PDGFD: variants seen among roughly 807,000 people sequenced by gnomAD.
PDGFD encodes the protein platelet derived growth factor D, also known as platelet-derived growth factor D.
PDGFD carries 30 observed loss-of-function variants against 44.7 expected under a neutral mutation model. That is an observed-to-expected ratio of 0.67 (90% CI 0.50 to 0.91). PDGFD has a LOEUF of 0.91. Ranked by LOEUF, PDGFD falls within the 40% of genes least tolerant of loss-of-function variation. The probability of loss-of-function intolerance (pLI) is 0.00; values close to 1 mark genes in which losing one functional copy is unlikely to be tolerated. For missense variants in PDGFD, 445 were observed against 457.8 expected (o/e 0.97, Z 0.25); for synonymous variants, 173 against 168.4 (o/e 1.03, Z -0.21).
chr11:104,102,280 C>G (rs1217651050), intron 1 of PDGFD, among the ~76,000 whole-genome samples: 1 of 152,152 alleles, frequency 6.6e-6, no homozygotes, highest in Non-Finnish European at 1.5e-5. Flanking sequence ...TATGAACAGA[C>G]ACTTCTCAAA....
At chr11:104,100,383 C>T (rs1261287247) in intron 1 of PDGFD, among the ~76,000 whole-genome samples, 1 of 152,078 alleles carries the variant, frequency 6.6e-6, no homozygotes. Flanking sequence ...ATAAATTACT[C>T]GATACATACA....
intron 3 of PDGFD, among the ~76,000 whole-genome samples, chr11:103,968,945 G>A (rs1591099872): frequency 1.3e-5 from 2 of 152,180 alleles, no homozygotes; most frequent in East Asian, 3.9e-4. Flanking sequence ...ATTTGCATAG[G>A]CTATTCTCTT....
chr11:104,100,122 C>A (rs911495896), intron 1 of PDGFD, among the ~76,000 whole-genome samples: 2 of 152,142 alleles, frequency 1.3e-5, no homozygotes, highest in Non-Finnish European at 2.9e-5. Flanking sequence ...AGCATTTCCA[C>A]CACTTGAATC....
chr11:103,929,795 T>C (rs182387548), intron 5 of PDGFD, among the ~76,000 whole-genome samples: 4 of 152,310 alleles, frequency 2.6e-5, no homozygotes, highest in South Asian at 4.2e-4. Flanking sequence ...CAAAGAAGAC[T>C]GATAAGCCAG....
intron 1 of PDGFD, among the ~76,000 whole-genome samples, chr11:104,160,631 T>G (rs1285632588): frequency 6.6e-6 from 1 of 152,174 alleles, no homozygotes; most frequent in Non-Finnish European, 1.5e-5. Context: ...TATAAGGAAA[T>G]GTAAACATTC....
chr11:103,993,040 C>T (rs1859481821), intron 3 of PDGFD, among the ~76,000 whole-genome samples: 1 of 151,716 alleles, frequency 6.6e-6, no homozygotes, highest in Admixed American at 6.6e-5. Context: ...AGCACCTTGA[C>T]TTCTCGTGTG....
intron 5 of PDGFD, among the ~76,000 whole-genome samples, chr11:103,932,815 T>G (rs939083123): frequency 2.6e-5 from 4 of 152,196 alleles, no homozygotes; most frequent in Admixed American, 1.3e-4. Flanking sequence ...GTGAAACAAT[T>G]CCAACTATCT....
At chr11:104,087,019 G>GTC in intron 1 of PDGFD, among the ~76,000 whole-genome samples, 1 of 94,202 alleles carries the variant, frequency 1.1e-5, no homozygotes, top group Non-Finnish European at 2.0e-5. Flanking sequence ...TAGGCTCTTA[G>GTC]TCTTTTTTTT....
chr11:103,942,454 T>G (rs1161555905), intron 5 of PDGFD, among the ~76,000 whole-genome samples: 1 of 152,078 alleles, frequency 6.6e-6, no homozygotes, highest in Non-Finnish European at 1.5e-5. Flanking sequence ...TTTTTTTAGT[T>G]TAAGCATTGT....
At chr11:104,034,539 A>G (rs1169090321) in intron 1 of PDGFD, among the ~76,000 whole-genome samples, 2 of 152,136 alleles carry the variant, frequency 1.3e-5, no homozygotes, top group Admixed American at 1.3e-4. Flanking sequence ...AACCCTTCAA[A>G]GAAGGGGGTG....
chr11:104,125,321 C>T (rs1241922936), intron 1 of PDGFD, among the ~76,000 whole-genome samples: 1 of 151,782 alleles, frequency 6.6e-6, no homozygotes, highest in Non-Finnish European at 1.5e-5. Context: ...GATAATAGGG[C>T]TAAATATATA....
At chr11:103,929,972 T>A (rs1353417284) in intron 5 of PDGFD, among the ~76,000 whole-genome samples, 2 of 152,108 alleles carry the variant, frequency 1.3e-5, no homozygotes, top group East Asian at 1.9e-4. Context: ...TCTCCATAGC[T>A]GAACATTCAG....
At chr11:104,136,631 T>A (rs1356890833) in intron 1 of PDGFD, among the ~76,000 whole-genome samples, 1 of 152,210 alleles carries the variant, frequency 6.6e-6, no homozygotes, top group Non-Finnish European at 1.5e-5. Context: ...AAACATTTTA[T>A]AAATTACAAC....
At chr11:104,044,363 C>A (rs185337705) in intron 1 of PDGFD, among the ~76,000 whole-genome samples, 22 of 152,184 alleles carry the variant, frequency 1.4e-4, no homozygotes, top group East Asian at 9.6e-4. Context: ...ATGTGAAGGA[C>A]AGCATCTGAT....
intron 1 of PDGFD, among the ~76,000 whole-genome samples, chr11:104,022,102 G>A (rs139646628): frequency 8.0e-4 from 122 of 152,176 alleles, no homozygotes; most frequent in African/African-American, 2.8e-3. Context: ...GTTTCAAACT[G>A]GAATAGAGTA....
intron 5 of PDGFD, among the ~76,000 whole-genome samples, chr11:103,936,516 G>A (rs1591083791): frequency 1.3e-5 from 2 of 152,070 alleles, no homozygotes; most frequent in African/African-American, 2.4e-5. Flanking sequence ...AACTCAGAAC[G>A]AATGAAAACA....
chr11:104,164,097 C>G lies in PDGFD; in HGVS notation c.-170G>C. ...CAAACTTCCTGCATGCTGAACTTTC[C>G]GAGCGCGTGTGGGTGCCGCACTTCC... is the stretch of plus-strand genomic sequence containing the variant. On this transcript the variant is annotated 5_prime_UTR_variant, in exon 1 of 7. Transcript: ENST00000393158. The G allele has an allele frequency of 3.3e-6, 2 of 608,296 alleles. No homozygotes were observed. Among genetic ancestry groups the G allele is most frequent in the Non-Finnish European group, 5.2e-6 (2 of 383,434 alleles). 37.7% of individuals were successfully genotyped at this position (608,296 alleles called of 1,614,324 possible). A position where few individuals can be genotyped will look rare whatever the true frequency, so the allele number is the denominator to read the frequency against.
At position 104,159,608 on chromosome 11, in the gene PDGFD, C is replaced by T. The variant is rs145423187; in HGVS notation, c.124+4196G>A. The stretch of plus-strand genomic sequence containing the variant: ...GAGACCACATATGCTCAGAGTTCTG[C>T]GTGACATCAAGCTTATGCTTATTAC... On this transcript the variant is annotated intron_variant, in intron 1 of 6. Coordinates refer to ENST00000393158, the MANE Select transcript of PDGFD (RefSeq NM_025208.5). Among the ~76,000 whole-genome samples the T allele has an allele frequency of 7.9e-5, 12 of 152,206 alleles. No homozygotes were observed. The East Asian group carries it at 1.2e-3, about 15-fold the overall frequency.
At chr11:103,943,783 A>G in intron 4 of PDGFD, 133 bp from the exon 5 acceptor site, 1 of 671,220 alleles carries the variant, frequency 1.5e-6, no homozygotes, top group Non-Finnish European at 2.5e-6. Flanking sequence ...TGCTATGTAA[A>G]AACAACATGG....
Sources: gnomAD v4.1 joint callset for allele counts (sites outside exome capture counted in the v4.1 genomes callset) on GRCh38, gnomAD v4.1.1 for gene constraint, MANE v1.5 for transcripts, NCBI Gene and HGNC (gene_info 2026-07-23, HGNC 2026-07-21) for gene names.